Variants in RBL1 observed in about 807,000 individuals in gnomAD.
RBL1 encodes the protein retinoblastoma-like protein 1.
RBL1 carries 82 observed loss-of-function variants against 123.0 expected under a neutral mutation model. That is an observed-to-expected ratio of 0.67 (90% CI 0.56 to 0.80). The LOEUF (loss-of-function observed/expected upper bound fraction) is 0.80. Among genes scored for constraint, RBL1 ranks in the 30% least tolerant of loss-of-function variants. RBL1 has a pLI of 0.00. For missense variants in RBL1, 1,171 were observed against 1,299.6 expected, an observed-to-expected ratio of 0.90 and a Z score of 1.52; for synonymous variants, 405 against 441.3, an observed-to-expected ratio of 0.92 and a Z score of 1.03.
chr20:37,064,399 G>A (rs1444352613), intron 7 of RBL1, among the ~76,000 whole-genome samples: 7 of 152,032 alleles, frequency 4.6e-5, no homozygotes, highest in Non-Finnish European at 7.4e-5. Flanking sequence ...GCCTCCGAAA[G>A]TGCTGGGATT....
At chr20:37,031,598 G>A (rs2146245248) in intron 16 of RBL1, among the ~76,000 whole-genome samples, 1 of 152,334 alleles carries the variant, frequency 6.6e-6, no homozygotes, top group South Asian at 2.1e-4. Flanking sequence ...CTTGTGCCTT[G>A]CTAGTGGTAA....
intron 11 of RBL1, among the ~76,000 whole-genome samples, chr20:37,055,023 G>A (rs1193043765): frequency 6.6e-6 from 1 of 152,054 alleles, no homozygotes; most frequent in Non-Finnish European, 1.5e-5. Context: ...ACATCAACCT[G>A]TTCCTATTGG....
chr20:37,070,165 C>T (rs939104385), intron 2 of RBL1, among the ~76,000 whole-genome samples: 10 of 152,176 alleles, frequency 6.6e-5, no homozygotes, highest in Non-Finnish European at 1.2e-4. Flanking sequence ...GATCTGTGAC[C>T]TTACCCCCAA....
intron 7 of RBL1, 45 bp from the exon 8 acceptor site, chr20:37,062,315 GGATTT>G (rs2065109858): frequency 6.4e-7 from 1 of 1,573,866 alleles, no homozygotes; most frequent in African/African-American, 1.4e-5. Flanking sequence ...GTTACACAAT[GGATTT>G]ATTTTGACTT....
In RBL1 at chr20:37,040,285, C is replaced by T. The variant is rs148046422; in HGVS notation, c.1771G>A (p.Val591Ile). The part of the protein sequence containing the change: ...SANKVPTCEE[V>I]IFPNNFETGN... ...GTTTCAAAGTTATTTGGGAATATAA[C>T]CTGTAGAAAACAAAAACCCTTTGAT... Residue 591 changes from valine to isoleucine, a missense_variant and splice_region_variant, in exon 14 of 22, where the codon GTT becomes ATT. Val to Ile is a conservative substitution (Grantham distance 29). Transcript: ENST00000373664. 2.5e-6 allele frequency: 4 copies of T among 1,612,360 alleles called. No homozygotes were observed. Among genetic ancestry groups the T allele is most frequent in the Non-Finnish European group, 3.4e-6 (4 of 1,179,566 alleles).
rs778051892 is a variant in RBL1, at chr20:37,063,521, TC to T, written c.897-1252del. Among the ~76,000 whole-genome samples the T allele has an allele frequency of 3.7e-3, 566 of 151,074 alleles. 4 individuals carry two copies. Among genetic ancestry groups the T allele is most frequent in the African/African-American group, 0.012 (502 of 41,110 alleles). ...ATAAATACGTGTCAATGATTTTTTT[TC>T]TTTAATTGAGATGGAATCTCGCTCT... On this transcript the variant is annotated intron_variant, in intron 7 of 21. Transcript: ENST00000373664.
chr20:37,083,912 T>C (rs1480173035), intron 2 of RBL1, among the ~76,000 whole-genome samples: 2 of 137,056 alleles, frequency 1.5e-5, no homozygotes, highest in Non-Finnish European at 3.1e-5. Context: ...TTTTAATGGA[T>C]TTTTTTTTTT....
chr20:37,025,862 C>T (rs1334076641), intron 16 of RBL1, among the ~76,000 whole-genome samples: 2 of 151,894 alleles, frequency 1.3e-5, no homozygotes, highest in Non-Finnish European at 2.9e-5. Context: ...CCTGCTTCAG[C>T]CTCCCGAGTA....
chr20:37,076,162 C>T (rs540624593), intron 2 of RBL1, among the ~76,000 whole-genome samples: 2 of 152,182 alleles, frequency 1.3e-5, no homozygotes, highest in Admixed American at 6.5e-5. Context: ...TGTCATACTA[C>T]AACAGTAGTC....
chr20:37,029,822 C>T (rs540991248), intron 16 of RBL1, among the ~76,000 whole-genome samples: 21 of 152,256 alleles, frequency 1.4e-4, no homozygotes, highest in African/African-American at 5.1e-4. Context: ...TAAGACAATT[C>T]TACTTACTTA....
chr20:37,092,095 T>G (rs1039213076), intron 1 of RBL1, among the ~76,000 whole-genome samples: 1 of 151,862 alleles, frequency 6.6e-6, no homozygotes, highest in Non-Finnish European at 1.5e-5. Context: ...ACAAAAAAAT[T>G]AGCAGGACGT....
intron 14 of RBL1, among the ~76,000 whole-genome samples, chr20:37,039,904 AG>A (rs2146259960): frequency 6.6e-6 from 1 of 152,190 alleles, no homozygotes; most frequent in African/African-American, 2.4e-5. Context: ...ATTAGCATTC[AG>A]GAAAGATTAC....
intron 13 of RBL1, 53 bp downstream of exon 13, chr20:37,044,033 G>GT (rs200990142): frequency 0.13 from 115,239 of 903,606 alleles, 11 homozygotes; most frequent in Non-Finnish European, 0.14. Context: ...AATAAAGCTG[G>GT]TTTTTTTTTT....
intron 21 of RBL1, among the ~76,000 whole-genome samples, chr20:37,002,792 A>G (rs1417623687): frequency 6.6e-6 from 1 of 150,940 alleles, no homozygotes; most frequent in Non-Finnish European, 1.5e-5. Flanking sequence ...ATCTCGGCTC[A>G]CTGCAACCTC....
At chr20:37,061,923 TA>T (rs1315487147) in intron 8 of RBL1, among the ~76,000 whole-genome samples, 160 bp downstream of exon 8, 1 of 152,242 alleles carries the variant, frequency 6.6e-6, no homozygotes, top group Non-Finnish European at 1.5e-5. Context: ...GTAAAAATAC[TA>T]AATGCCAGTT....
chr20:37,088,263 C>T (rs2065583791), intron 2 of RBL1, among the ~76,000 whole-genome samples: 1 of 130,854 alleles, frequency 7.6e-6, no homozygotes, highest in Non-Finnish European at 1.6e-5. Flanking sequence ...AAAACTCCAT[C>T]TCAAAAAAAA....
intron 21 of RBL1, among the ~76,000 whole-genome samples, chr20:37,002,288 C>T (rs1021774448): frequency 1.3e-5 from 2 of 150,752 alleles, no homozygotes; most frequent in Non-Finnish European, 2.9e-5. Flanking sequence ...CCTTGGGCTC[C>T]CAAAATGCTA....
At chr20:37,085,647 A>ATTTTTTTTTT (rs1202673380) in intron 2 of RBL1, among the ~76,000 whole-genome samples, 5 of 84,606 alleles carry the variant, frequency 5.9e-5, no homozygotes, top group Admixed American at 1.6e-4. Context: ...TTGAAATTTG[A>ATTTTTTTTTT]TTTTTTTTTT....
Position 37,055,539 on chromosome 20 carries a change from G to C in RBL1, c.1467+14C>G, listed in dbSNP as rs770643975. 1.6e-5 allele frequency: 26 copies of C among 1,613,792 alleles called. No individual in the cohort carries two copies. The Admixed American group carries it at 4.3e-4, about 27-fold the overall frequency. ...TTGGACCTTGCCAGTAGCTCAGAGA[G>C]TGGATTTACTTACTGACATGTCCAT... On this transcript the variant is annotated intron_variant, in intron 11 of 21. Transcript: ENST00000373664.
Sources: allele counts gnomAD v4.1 joint callset (sites outside exome capture counted in the v4.1 genomes callset), GRCh38; gene constraint gnomAD v4.1.1; transcripts MANE v1.5; gene names NCBI Gene and HGNC (gene_info 2026-07-23, HGNC 2026-07-21).